LARP4B: variants seen among roughly 807,000 people sequenced by gnomAD.
The protein encoded by LARP4B is la-related protein 4B.
Under a neutral mutation model 89.8 loss-of-function variants are expected in LARP4B, and 12 were observed. The ratio of observed to expected loss-of-function variants is 0.13; its 90% CI spans 0.09 to 0.22. The LOEUF is 0.22. Among genes scored for constraint, LARP4B ranks in the 10% least tolerant of loss-of-function variants. The pLI, the probability that LARP4B is intolerant of heterozygous loss-of-function variation, is 1.00. For synonymous variants in LARP4B, 367 were observed against 363.3 expected, an observed-to-expected ratio of 1.01 and a Z score of -0.12; for missense variants, 757 against 947.7, an observed-to-expected ratio of 0.80 and a Z score of 2.64.
At chr10:853,283 G>A (rs567124107) in intron 5 of LARP4B, among the ~76,000 whole-genome samples, 13 of 152,176 alleles carry the variant, frequency 8.5e-5, no homozygotes, top group African/African-American at 2.9e-4. Context: ...ACAAAGTTCT[G>A]TTTTCCCAGT....
At chr10:907,166 G>A (rs1018533546) in intron 1 of LARP4B, among the ~76,000 whole-genome samples, 1 of 152,094 alleles carries the variant, frequency 6.6e-6, no homozygotes, top group African/African-American at 2.4e-5. Flanking sequence ...TCACTCGGAG[G>A]TCAGAAATAT....
chr10:937,752 G>A, the LARP4B span, among the ~76,000 whole-genome samples: 2 of 152,170 alleles, frequency 1.3e-5, no homozygotes, highest in Non-Finnish European at 2.9e-5. Context: ...AACACTTCAG[G>A]AAGTTTTCCA....
chr10:821,863 T>G (rs888022534), intron 13 of LARP4B, among the ~76,000 whole-genome samples: 1 of 152,244 alleles, frequency 6.6e-6, no homozygotes, highest in African/African-American at 2.4e-5. Flanking sequence ...GGCTTTCTAC[T>G]GGTGCCTTGC....
intron 1 of LARP4B, chr10:903,621 T>TC (rs1836403572): frequency 6.6e-6 from 1 of 152,228 alleles, no homozygotes; most frequent in Non-Finnish European, 1.5e-5. Flanking sequence ...CACAGGGCCT[T>TC]CCTCGTCAGG....
chr10:951,669 C>A, the LARP4B span, among the ~76,000 whole-genome samples: 1 of 152,148 alleles, frequency 6.6e-6, no homozygotes, highest in Non-Finnish European at 1.5e-5. Context: ...CATCCCAGGA[C>A]GAGAAGAGGC....
In LARP4B at chr10:812,996, C is replaced by T. The variant is rs1209653477; in HGVS notation, c.2147G>A (p.Arg716Gln). ...PRDQRRPAGG[R>Q]PSPSAMGKRL... ...CTTCCCCATGGCCGAGGGCGAGGGC[C>T]GGCCCCCCGCCGGCCGCCTCTGGTC... is the stretch of plus-strand genomic sequence containing the variant. Residue 716 changes from arginine (R) to glutamine (Q), a missense_variant, in exon 18 of 18, where the codon CGG (arginine) becomes CAG (glutamine). Physicochemically the swap from Arg to Gln is conservative, Grantham distance 43. This residue lies in a region of LARP4B where 387 missense variants were observed against 423.6 expected (regional missense o/e 0.91). Transcript: ENST00000316157. 5.0e-6 allele frequency: 8 copies of T among 1,590,160 alleles called. No homozygotes were observed. The highest frequency in any genetic ancestry group is 2.2e-5 in the East Asian group (1 of 44,780).
chr10:931,858 G>A (rs1024931539), upstream of LARP4B, among the ~76,000 whole-genome samples: 1 of 151,256 alleles, frequency 6.6e-6, no homozygotes, highest in African/African-American at 2.4e-5. Context: ...GGGCGCACCC[G>A]ACGCTCGGCC....
At chr10:830,498 T>C (rs1204514065) in intron 9 of LARP4B, among the ~76,000 whole-genome samples, 1 of 152,190 alleles carries the variant, frequency 6.6e-6, no homozygotes, top group Non-Finnish European at 1.5e-5. Context: ...TACTTCTCAA[T>C]ACCATTAAAA....
chr10:941,903 G>A, the LARP4B span, among the ~76,000 whole-genome samples: 1 of 152,216 alleles, frequency 6.6e-6, no homozygotes, highest in African/African-American at 2.4e-5. Context: ...AGCCTCCTAA[G>A]TACCTGGGAT....
chr10:849,378 GC>G (rs1014387117), intron 5 of LARP4B, among the ~76,000 whole-genome samples: 13 of 152,278 alleles, frequency 8.5e-5, no homozygotes, highest in African/African-American at 2.2e-4. Context: ...GTCAAAGGGA[GC>G]CGACCAGAAC....
intron 7 of LARP4B, among the ~76,000 whole-genome samples, chr10:839,359 G>GATATA (rs1833400085): frequency 6.6e-6 from 1 of 152,160 alleles, no homozygotes; most frequent in Admixed American, 6.5e-5. Context: ...GTGTACAGGG[G>GATATA]ATATAATGGG....
intron 8 of LARP4B, among the ~76,000 whole-genome samples, chr10:834,868 C>T (rs1489695225): frequency 6.6e-6 from 1 of 151,652 alleles, no homozygotes. Context: ...TGCTGGTCCT[C>T]GGCCGGGCGC....
chr10:840,801 CA>C (rs1833485642), intron 7 of LARP4B, among the ~76,000 whole-genome samples: 1 of 152,182 alleles, frequency 6.6e-6, no homozygotes, highest in Non-Finnish European at 1.5e-5. Flanking sequence ...ATTAAATATT[CA>C]TCAAATATCT....
rs1382859002 is a variant in LARP4B, at chr10:812,464, C to A, written c.*462G>T. 6.6e-6 allele frequency: 1 copy of A among 152,250 alleles called. No homozygotes were observed. The highest frequency in any genetic ancestry group is 6.5e-5 in the Admixed American group (1 of 15,278). The allele number at this position is 152,250 out of a possible 1,614,324, so 9.4% of individuals were successfully genotyped here. The stretch of plus-strand genomic sequence containing the variant: ...CCAGCACTGCCTCTACGAGGCCACA[C>A]CTGCCTCTGCCAAGGCCACTGGCCC... On this transcript the variant is annotated 3_prime_UTR_variant, in exon 18 of 18. Transcript: ENST00000316157.
the LARP4B span, among the ~76,000 whole-genome samples, chr10:970,008 T>C: frequency 6.6e-6 from 1 of 152,182 alleles, no homozygotes; most frequent in South Asian, 2.1e-4. Flanking sequence ...CCCTGGGTGC[T>C]AGGCTCTGCC....
At chr10:917,615 A>G (rs1250291291) in intron 1 of LARP4B, among the ~76,000 whole-genome samples, 1 of 152,192 alleles carries the variant, frequency 6.6e-6, no homozygotes, top group Non-Finnish European at 1.5e-5. Flanking sequence ...GCAGCAAGTA[A>G]AACAATCTTA....
intron 1 of LARP4B, among the ~76,000 whole-genome samples, chr10:900,934 T>TTTTA (rs1836325646): frequency 7.1e-6 from 1 of 140,794 alleles, no homozygotes; most frequent in African/African-American, 2.7e-5. Flanking sequence ...TTTTTTTTTT[T>TTTTA]TTGAGACGGA....
chr10:966,749 C>A, the LARP4B span, among the ~76,000 whole-genome samples: 1 of 152,130 alleles, frequency 6.6e-6, no homozygotes, highest in Admixed American at 6.5e-5. Flanking sequence ...CTGTGGCTGA[C>A]GCCTGGAGAA....
At chr10:933,378 T>A (rs1830707647), upstream of LARP4B, among the ~76,000 whole-genome samples, 1 of 152,036 alleles carries the variant, frequency 6.6e-6, no homozygotes, top group African/African-American at 2.4e-5. Flanking sequence ...AAATCTGGGA[T>A]TAGAGATGGG....
Sources: gnomAD v4.1 joint callset for allele counts (sites outside exome capture counted in the v4.1 genomes callset) on GRCh38, gnomAD v4.1.1 for gene constraint, gnomAD v4.1.1 regional missense constraint, MANE v1.5 for transcripts, NCBI Gene and HGNC (gene_info 2026-07-23, HGNC 2026-07-21) for gene names.